Variants in HEMK1 observed in about 807,000 individuals in gnomAD.
HEMK1 encodes the protein HemK methyltransferase 1, mitochondrial release factors N(5)-glutamine, also known as MTRF1L release factor glutamine methyltransferase.
Under a neutral mutation model 47.9 loss-of-function variants are expected in HEMK1, and 36 were observed. The ratio of observed to expected loss-of-function variants is 0.75; its 90% CI spans 0.58 to 0.99. The LOEUF (loss-of-function observed/expected upper bound fraction) is 0.99. HEMK1 is among the 50% of genes least tolerant of loss of function. The pLI is 0.00. For synonymous variants in HEMK1, 153 were observed against 165.4 expected, an observed-to-expected ratio of 0.93 and a Z score of 0.57; for missense variants, 383 against 434.5, an observed-to-expected ratio of 0.88 and a Z score of 1.05.
chr3:50,577,482 C>A, intron 5 of HEMK1, 27 bp from the exon 6 acceptor site: 1 of 1,610,360 alleles, frequency 6.2e-7, no homozygotes, highest in Non-Finnish European at 8.5e-7. Context: ...TTGCCTTCCA[C>A]ATATCCTCTG....
chr3:50,575,480 C>T (rs749660186), intron 4 of HEMK1, among the ~76,000 whole-genome samples: 4 of 152,048 alleles, frequency 2.6e-5, no homozygotes, highest in Admixed American at 6.5e-5. Flanking sequence ...TGTCTGTGGG[C>T]CAAGCCCTGC....
In HEMK1 at chr3:50,580,305, G is replaced by A. The variant is rs376979754; in HGVS notation, c.980+76G>A. 6.2e-6 allele frequency: 10 copies of A among 1,607,468 alleles called. No individual in the cohort carries two copies. The Admixed American group carries it at 6.7e-5, about 11-fold the overall frequency. On this transcript the variant is annotated intron_variant, in intron 10 of 10. Transcript: ENST00000232854. Reference sequence around the variant, plus strand: ...GGCCATCCTCAGCCCTGGCTGTCAGGAGAGTGTGCTGTTCCCACTTCCTGT... The same window carrying A: ...GGCCATCCTCAGCCCTGGCTGTCAGAAGAGTGTGCTGTTCCCACTTCCTGT...
chr3:50,569,536 T>C lies in HEMK1; in HGVS notation c.-213T>C, dbSNP rs1310998051. 1.4e-5 allele frequency: 2 copies of C among 147,284 alleles called. No individual in the cohort carries two copies. Among genetic ancestry groups the C allele is most frequent in the Admixed American group, 1.6e-4 (2 of 12,324 alleles). 9.1% of individuals were successfully genotyped at this position (147,284 alleles called of 1,614,324 possible). A position where few individuals can be genotyped will look rare whatever the true frequency, so the allele number is the denominator to read the frequency against. ...TCCGGGCGTCCAGTTCGGGGCAGCT[T>C]CTCCGGCTGGTGGGTGGGTGGGGCA... On this transcript the variant is annotated 5_prime_UTR_variant, in exon 1 of 11. Transcript: ENST00000232854.
chr3:50,580,370 T>A lies in HEMK1; in HGVS notation c.981-11T>A, dbSNP rs555279282. ...CCAGGTGGTAACCAGCCCCTGTCCC[T>A]GTCTCCTCAGGCCCCGGTTCCTGCA... On this transcript the variant is annotated splice_polypyrimidine_tract_variant and intron_variant, in intron 10 of 10. Coordinates refer to ENST00000232854, the MANE Select transcript of HEMK1 (RefSeq NM_016173.5). 2 of 1,614,142 alleles carry A rather than the reference T, an allele frequency of 1.2e-6. No homozygotes were observed. The highest frequency in any genetic ancestry group is 1.1e-5 in the South Asian group (1 of 91,084).
Position 50,592,322 on chromosome 3 carries a change from C to G in HEMK1, c.*11905C>G, listed in dbSNP as rs537611375. The G allele has an allele frequency of 6.6e-6, 1 of 152,140 alleles. No individual in the cohort carries two copies. Among genetic ancestry groups the G allele is most frequent in the East Asian group, 1.9e-4 (1 of 5,154 alleles). 9.4% of individuals were successfully genotyped at this position (152,140 alleles called of 1,614,324 possible). Reference sequence around the variant, plus strand: ...AGGCTGGTGATTCTCCCAGCAAACCCGCCTGGGAACTAACCACAGGCTCCT... The same window carrying G: ...AGGCTGGTGATTCTCCCAGCAAACCGGCCTGGGAACTAACCACAGGCTCCT... On this transcript the variant is annotated 3_prime_UTR_variant, in exon 11 of 11. Coordinates refer to ENST00000232854, the MANE Select transcript of HEMK1 (RefSeq NM_016173.5).
chr3:50,577,218 T>C (rs769998274), intron 5 of HEMK1, 32 bp downstream of exon 5: 1 of 1,588,502 alleles, frequency 6.3e-7, no homozygotes, highest in South Asian at 1.1e-5. Context: ...GGATAGACTG[T>C]GACTGACACT....
chr3:50,594,273 G>C lies in HEMK1; in HGVS notation c.*13856G>C, dbSNP rs1288603518. 6.6e-6 allele frequency: 1 copy of C among 151,960 alleles called. No individual in the cohort carries two copies. Among genetic ancestry groups the C allele is most frequent in the Non-Finnish European group, 1.5e-5 (1 of 67,980 alleles). 9.4% of individuals were successfully genotyped at this position (151,960 alleles called of 1,614,324 possible). A position where few individuals can be genotyped will look rare whatever the true frequency, so the allele number is the denominator to read the frequency against. On this transcript the variant is annotated 3_prime_UTR_variant, in exon 11 of 11. Transcript: ENST00000232854. ...CTCTGATTTTTTGTTTATTTTAGAG[G>C]CTTTTTTTTTCATCTTTCATTCATG...
At chr3:50,570,783 G>T (rs1330563621) in intron 1 of HEMK1, 148 bp from the exon 2 acceptor site, 2 of 248,932 alleles carry the variant, frequency 8.0e-6, no homozygotes, top group East Asian at 1.7e-4. Flanking sequence ...AAGTGGCCAA[G>T]ACAAGAATGA....
At chr3:50,575,724 G>T (rs1246902181) in intron 4 of HEMK1, among the ~76,000 whole-genome samples, 1 of 152,218 alleles carries the variant, frequency 6.6e-6, no homozygotes, top group Non-Finnish European at 1.5e-5. Flanking sequence ...TCTTTCCTGA[G>T]ACCTGGGGTC....
intron 4 of HEMK1, among the ~76,000 whole-genome samples, chr3:50,574,899 T>C (rs928751880): frequency 1.3e-5 from 2 of 152,144 alleles, no homozygotes; most frequent in African/African-American, 2.4e-5. Context: ...TCTGCCTGCT[T>C]TGGACTTGCC....
chr3:50,589,239 T>G lies in HEMK1; in HGVS notation c.*8822T>G, dbSNP rs1274371876. On this transcript the variant is annotated 3_prime_UTR_variant, in exon 11 of 11. Coordinates refer to ENST00000232854, the MANE Select transcript of HEMK1 (RefSeq NM_016173.5). Reference sequence around the variant, plus strand: ...GACCGCTGATTCTCACAGATAATTGTTTACAAATGCTAGCACTGTGTCTGA... The same window carrying G: ...GACCGCTGATTCTCACAGATAATTGGTTACAAATGCTAGCACTGTGTCTGA... The G allele has an allele frequency of 6.6e-6, 1 of 152,216 alleles. No individual in the cohort carries two copies. The highest frequency in any genetic ancestry group is 1.5e-5 in the Non-Finnish European group (1 of 68,042). 9.4% of individuals were successfully genotyped at this position (152,216 alleles called of 1,614,324 possible).
At chr3:50,573,925 T>C (rs1701292048) in intron 4 of HEMK1, among the ~76,000 whole-genome samples, 1 of 152,222 alleles carries the variant, frequency 6.6e-6, no homozygotes, top group South Asian at 2.1e-4. Flanking sequence ...CCCAGCCTGC[T>C]GTGAGGCTGT....
In HEMK1 at chr3:50,581,985, C is replaced by A. The variant is rs964496312; in HGVS notation, c.*1568C>A. The A allele has an allele frequency of 1.3e-5, 2 of 152,362 alleles. No homozygotes were observed. The highest frequency in any genetic ancestry group is 2.9e-5 in the Non-Finnish European group (2 of 68,146). 9.4% of individuals were successfully genotyped at this position (152,362 alleles called of 1,614,324 possible). On this transcript the variant is annotated 3_prime_UTR_variant, in exon 11 of 11. Coordinates refer to ENST00000232854, the MANE Select transcript of HEMK1 (RefSeq NM_016173.5). ...GGCAAGGCTCCCCACTTCCTTAGTC[C>A]CCCATGCTCACAGACCTTTGCCTGC...
rs781172424 is a variant in HEMK1, at chr3:50,584,059, C to A, written c.*3642C>A. On this transcript the variant is annotated 3_prime_UTR_variant, in exon 11 of 11. Transcript: ENST00000232854. ...GGGATGGGAAGCCATGAGGACCTGGCCTTCTGCCCGACCCAGGCAGCCATT... is the reference window on the plus strand; with the variant it reads ...GGGATGGGAAGCCATGAGGACCTGGACTTCTGCCCGACCCAGGCAGCCATT... 6.6e-6 allele frequency: 1 copy of A among 152,244 alleles called. No homozygotes were observed. Among genetic ancestry groups the A allele is most frequent in the African/African-American group, 2.4e-5 (1 of 41,452 alleles). The allele number at this position is 152,244 out of a possible 1,614,324, so 9.4% of individuals were successfully genotyped here.
chr3:50,573,067 C>T (rs1396096231), intron 4 of HEMK1, among the ~76,000 whole-genome samples: 3 of 152,226 alleles, frequency 2.0e-5, no homozygotes, highest in East Asian at 1.9e-4. Context: ...ACTTTCTCAG[C>T]TTCTGTCCCC....
At chr3:50,571,653 C>G (rs1317933662) in intron 2 of HEMK1, 57 bp from the exon 3 acceptor site, 1 of 1,509,218 alleles carries the variant, frequency 6.6e-7, no homozygotes, top group East Asian at 2.3e-5. Context: ...CATAAGACAC[C>G]TGGGTTGGGG....
chr3:50,579,776 C>A, intron 8 of HEMK1, 68 bp from the exon 9 acceptor site: 1 of 1,154,276 alleles, frequency 8.7e-7, no homozygotes, highest in Non-Finnish European at 1.3e-6. Context: ...GGAGGCCTTG[C>A]CCATGCCCTC....
At position 50,588,517 on chromosome 3, in the gene HEMK1, A is replaced by C. The variant is rs906172873; in HGVS notation, c.*8100A>C. The C allele has an allele frequency of 2.0e-5, 3 of 152,244 alleles. No homozygotes were observed. Among genetic ancestry groups the C allele is most frequent in the Non-Finnish European group, 2.9e-5 (2 of 68,066 alleles). The allele number at this position is 152,244 out of a possible 1,614,324, so 9.4% of individuals were successfully genotyped here. A position where few individuals can be genotyped will look rare whatever the true frequency, so the allele number is the denominator to read the frequency against. ...TCCAGGGTGAAGGGGAAAGTGATGAATCAAACAGAAAGCAGCAGACGCAGA... is the reference window on the plus strand; with the variant it reads ...TCCAGGGTGAAGGGGAAAGTGATGACTCAAACAGAAAGCAGCAGACGCAGA... On this transcript the variant is annotated 3_prime_UTR_variant, in exon 11 of 11. Coordinates refer to ENST00000232854, the MANE Select transcript of HEMK1 (RefSeq NM_016173.5).
At position 50,577,817 on chromosome 3, in the gene HEMK1, T is replaced by C; in HGVS notation, c.615-9T>C. 1.2e-6 allele frequency: 2 copies of C among 1,614,090 alleles called. No individual in the cohort carries two copies. Among genetic ancestry groups the C allele is most frequent in the Middle Eastern group, 3.3e-4 (2 of 6,062 alleles). On this transcript the variant is annotated splice_polypyrimidine_tract_variant and intron_variant, in intron 6 of 10. Coordinates refer to ENST00000232854, the MANE Select transcript of HEMK1 (RefSeq NM_016173.5). Reference sequence around the variant, plus strand: ...CCCCGTGCCTACCCCTTTCTCCCTGTCTGTGTAGGCTTCGGTTGCAGGACA... The same window carrying C: ...CCCCGTGCCTACCCCTTTCTCCCTGCCTGTGTAGGCTTCGGTTGCAGGACA...
Sources: allele counts gnomAD v4.1 joint callset (sites outside exome capture counted in the v4.1 genomes callset), GRCh38; gene constraint gnomAD v4.1.1; transcripts MANE v1.5; gene names NCBI Gene and HGNC (gene_info 2026-07-23, HGNC 2026-07-21).